GRIK4: variants seen among roughly 807,000 people sequenced by gnomAD.
GRIK4 encodes glutamate ionotropic receptor kainate type subunit 4.
A neutral mutation model predicts 104.9 loss-of-function variants in GRIK4; 40 were observed. The observed-to-expected ratio is 0.38, with a 90% CI of 0.30 to 0.50. The LOEUF (loss-of-function observed/expected upper bound fraction) is 0.50. Ranked by LOEUF, GRIK4 falls within the 20% of genes least tolerant of loss-of-function variation. The pLI, the probability that GRIK4 is intolerant of heterozygous loss-of-function variation, is 0.93. For missense variants in GRIK4, 1,047 were observed against 1,308.1 expected, an observed-to-expected ratio of 0.80 and a Z score of 3.08; for synonymous variants, 485 against 524.9, an observed-to-expected ratio of 0.92 and a Z score of 1.04.
In GRIK4 at chr11:120,798,690, C is replaced by T. The variant is rs989089709; in HGVS notation, c.83-4003C>T. On this transcript the variant is annotated intron_variant, in intron 3 of 20. Coordinates refer to ENST00000527524, the MANE Select transcript of GRIK4 (RefSeq NM_014619.5). ...AGAGACAGGATTTCACCATGTTGGC[C>T]AGGCTGGTGTTGAACTCCTGACATC... Among the ~76,000 whole-genome samples, 53 of 152,068 alleles carry T rather than the reference C, an allele frequency of 3.5e-4. 1 individual carries two copies. The highest frequency in any genetic ancestry group is 2.6e-4 in the Admixed American group (4 of 15,268).
intron 3 of GRIK4, among the ~76,000 whole-genome samples, chr11:120,690,744 C>T (rs548311504): frequency 2.6e-5 from 4 of 152,360 alleles, no homozygotes; most frequent in Middle Eastern, 6.8e-3. Context: ...GTTCCTTACC[C>T]TCCTCACCAG....
chr11:120,656,816 T>C (rs1486736223), intron 2 of GRIK4, among the ~76,000 whole-genome samples: 1 of 152,166 alleles, frequency 6.6e-6, no homozygotes, highest in African/African-American at 2.4e-5. Flanking sequence ...ATCGCGCCAC[T>C]GCACTCCAGC....
At chr11:120,964,585 T>C (rs994589451) in intron 18 of GRIK4, among the ~76,000 whole-genome samples, 1 of 152,236 alleles carries the variant, frequency 6.6e-6, no homozygotes, top group East Asian at 1.9e-4. Flanking sequence ...GATGATACTC[T>C]AGCAATTTGA....
rs1238342052 is a variant in GRIK4, at chr11:120,795,115, A to G, written c.83-7578A>G. On this transcript the variant is annotated intron_variant, in intron 3 of 20. Coordinates refer to ENST00000527524, the MANE Select transcript of GRIK4 (RefSeq NM_014619.5). ...CTCTATCCGGCTGAGCCAAACGGCC[A>G]CAGACAGTGTTATAGATACTGCCTA... is the stretch of plus-strand genomic sequence containing the variant. Among the ~76,000 whole-genome samples, 4 of 152,228 alleles carry G rather than the reference A, an allele frequency of 2.6e-5. No individual in the cohort carries two copies. The East Asian group carries it at 7.7e-4, about 29-fold the overall frequency.
In GRIK4 at chr11:120,952,768, C is replaced by A; in HGVS notation, c.1591-87C>A. ...TGGGAACTGGGGCCAGACCCACACT[C>A]ACTACCTCCTCTACCCCGCCCTGCC... is the stretch of plus-strand genomic sequence containing the variant. On this transcript the variant is annotated intron_variant, in intron 14 of 20. Coordinates refer to ENST00000527524, the MANE Select transcript of GRIK4 (RefSeq NM_014619.5). The surrounding 1 kb of genome is among the most constrained non-coding windows in gnomAD (Gnocchi z 5.2). 1.1e-6 allele frequency: 1 copy of A among 869,814 alleles called. No homozygotes were observed. Among genetic ancestry groups the A allele is most frequent in the South Asian group, 1.3e-5 (1 of 76,054 alleles). The allele number at this position is 869,814 out of a possible 1,614,324, so 53.9% of individuals were successfully genotyped here. A position where few individuals can be genotyped will look rare whatever the true frequency, so the allele number is the denominator to read the frequency against.
chr11:120,794,854 A>G (rs1055427742), intron 3 of GRIK4, among the ~76,000 whole-genome samples: 3 of 152,020 alleles, frequency 2.0e-5, no homozygotes, highest in Non-Finnish European at 2.9e-5. Context: ...CCAGGTGGGG[A>G]CGAAGGCATG....
intron 3 of GRIK4, among the ~76,000 whole-genome samples, chr11:120,732,592 A>T (rs1473564866): frequency 1.3e-5 from 2 of 151,776 alleles, no homozygotes; most frequent in Admixed American, 6.6e-5. Context: ...GTTTAAATAA[A>T]TTTTTTCATC....
chr11:120,561,524 G>A (rs1424631045), intron 1 of GRIK4, among the ~76,000 whole-genome samples: 1 of 152,174 alleles, frequency 6.6e-6, no homozygotes, highest in African/African-American at 2.4e-5. Context: ...GCCTACTCGG[G>A]GACTCCCCAG....
intron 13 of GRIK4, among the ~76,000 whole-genome samples, chr11:120,907,928 C>T (rs549401770): frequency 2.0e-5 from 3 of 152,186 alleles, no homozygotes; most frequent in South Asian, 4.2e-4. Flanking sequence ...CCCACCATCC[C>T]CAGGTTTGAA....
intron 13 of GRIK4, among the ~76,000 whole-genome samples, chr11:120,921,721 C>G (rs1372250719): frequency 3.3e-5 from 5 of 152,124 alleles, no homozygotes; most frequent in Non-Finnish European, 7.4e-5. Context: ...TTAAGCATCC[C>G]TTGCCCTCCC....
intron 13 of GRIK4, among the ~76,000 whole-genome samples, chr11:120,923,563 C>T (rs761647607): frequency 6.6e-6 from 1 of 151,850 alleles, no homozygotes; most frequent in Non-Finnish European, 1.5e-5. Context: ...CAGGCACCCA[C>T]CACCACCCCT....
At chr11:120,836,762 T>A in intron 7 of GRIK4, 29 bp from the exon 8 acceptor site, 5 of 1,552,208 alleles carry the variant, frequency 3.2e-6, no homozygotes, top group Non-Finnish European at 3.6e-6. Flanking sequence ...TTTGTTTTCT[T>A]CTCTAATCTC....
At chr11:120,974,440 C>A (rs1944527884) in intron 19 of GRIK4, among the ~76,000 whole-genome samples, 1 of 152,134 alleles carries the variant, frequency 6.6e-6, no homozygotes, top group Non-Finnish European at 1.5e-5. Flanking sequence ...TTTTCGGAGA[C>A]CTCTGAAACT....
intron 2 of GRIK4, among the ~76,000 whole-genome samples, chr11:120,657,101 C>A (rs1949722933): frequency 6.6e-6 from 1 of 152,144 alleles, no homozygotes; most frequent in African/African-American, 2.4e-5. Flanking sequence ...TGGATTATTA[C>A]AGTTTTTTTC....
intron 1 of GRIK4, among the ~76,000 whole-genome samples, chr11:120,621,436 G>C (rs1949188163): frequency 6.6e-6 from 1 of 152,178 alleles, no homozygotes; most frequent in East Asian, 1.9e-4. Flanking sequence ...CGTTGTAACA[G>C]AAACCCCCTC....
intron 1 of GRIK4, among the ~76,000 whole-genome samples, chr11:120,570,514 C>T (rs1407851921): frequency 6.6e-6 from 1 of 152,158 alleles, no homozygotes; most frequent in Non-Finnish European, 1.5e-5. Flanking sequence ...AGTGCAGTGG[C>T]ATCATCGCGG....
intron 1 of GRIK4, among the ~76,000 whole-genome samples, chr11:120,536,545 A>G (rs1172613345): frequency 6.6e-6 from 1 of 152,142 alleles, no homozygotes; most frequent in Non-Finnish European, 1.5e-5. Flanking sequence ...TTATCTGTTT[A>G]TTTATTCAGG....
chr11:120,708,295 C>G (rs80302408), intron 3 of GRIK4, among the ~76,000 whole-genome samples: 5 of 152,092 alleles, frequency 3.3e-5, no homozygotes, highest in African/African-American at 1.2e-4. Flanking sequence ...TGTTTCTACC[C>G]TGGGTGTGGT....
rs1224400861 is a variant in GRIK4 at position 120,953,527 on chromosome 11, AGGCTGCT to A, written c.1700+567_1700+573del. Among the ~76,000 whole-genome samples the A allele has an allele frequency of 1.3e-5, 2 of 152,144 alleles. No individual in the cohort carries two copies. The highest frequency in any genetic ancestry group is 4.8e-5 in the African/African-American group (2 of 41,436). ...CTGCCTTGTCGAATGGGAACCATGGAGGCTGCTGGCGGGTGGCAAGGAGACGGGATGG... is the reference window on the plus strand; with the variant it reads ...CTGCCTTGTCGAATGGGAACCATGGAGGCGGGTGGCAAGGAGACGGGATGG... On this transcript the variant is annotated intron_variant, in intron 15 of 20. Coordinates refer to ENST00000527524, the MANE Select transcript of GRIK4 (RefSeq NM_014619.5). This position sits in a 1 kb window ranked among gnomAD's most constrained non-coding sequence, Gnocchi z 4.9.
Sources: allele counts gnomAD v4.1 joint callset (sites outside exome capture counted in the v4.1 genomes callset), GRCh38; gene constraint gnomAD v4.1.1; non-coding constraint Gnocchi (gnomAD v3.1); transcripts MANE v1.5; gene names NCBI Gene and HGNC (gene_info 2026-07-23, HGNC 2026-07-21).